The following TSPAN1 variants were observed in gnomAD, a reference collection of about 807,000 sequenced individuals.
TSPAN1 encodes tetraspanin-1.
TSPAN1 carries 23 observed loss-of-function variants against 26.9 expected under a neutral mutation model. The ratio of observed to expected loss-of-function variants is 0.85; its 90% CI spans 0.62 to 1.21. The LOEUF is 1.21. Ranked by LOEUF, TSPAN1 falls within the 50% of genes most tolerant of loss-of-function variation. The pLI, the probability that TSPAN1 is intolerant of heterozygous loss-of-function variation, is 0.00. For missense variants in TSPAN1, 283 were observed against 298.4 expected (o/e 0.95, Z 0.38); for synonymous variants, 115 against 114.8 (o/e 1.00, Z -0.01).
downstream of TSPAN1, among the ~76,000 whole-genome samples, chr1:46,187,820 G>A (rs1023340249): frequency 1.3e-5 from 2 of 152,140 alleles, no homozygotes; most frequent in African/African-American, 4.8e-5. Context: ...ATGTCCAAGC[G>A]ACATACCACC....
downstream of TSPAN1, chr1:46,188,701 T>C (rs777534286): frequency 1.3e-6 from 2 of 1,597,554 alleles, no homozygotes; most frequent in Admixed American, 3.4e-5. Flanking sequence ...GCTTCTCCTT[T>C]TTTAATCAAT....
At chr1:46,181,491 C>T (rs531908550) in intron 3 of TSPAN1, among the ~76,000 whole-genome samples, 2 of 152,288 alleles carry the variant, frequency 1.3e-5, no homozygotes, top group South Asian at 4.1e-4. Flanking sequence ...ACTGGGGGCC[C>T]AGAAAATAGA....
At chr1:46,195,305 C>T in the TSPAN1 span, among the ~76,000 whole-genome samples, 1 of 152,178 alleles carries the variant, frequency 6.6e-6, no homozygotes, top group Non-Finnish European at 1.5e-5. Flanking sequence ...TACCTTCCCA[C>T]TATAGGGGCT....
downstream of TSPAN1, chr1:46,189,148 CAT>C (rs1657540011): frequency 1.2e-5 from 18 of 1,499,448 alleles, no homozygotes; most frequent in Non-Finnish European, 1.6e-5. Flanking sequence ...AATTAAGTCT[CAT>C]GTTAAAAACA....
chr1:46,194,883 C>A, the TSPAN1 span: 1 of 1,614,068 alleles, frequency 6.2e-7, no homozygotes, highest in Non-Finnish European at 8.5e-7. Flanking sequence ...TCCCTCCAGC[C>A]CAGGGCAGGG....
At chr1:46,176,422 G>T in intron 1 of TSPAN1, 2 of 1,535,744 alleles carry the variant, frequency 1.3e-6, no homozygotes, top group Non-Finnish European at 1.7e-6. Flanking sequence ...GCGGTAGGGG[G>T]AACGCATGCC....
intron 3 of TSPAN1, among the ~76,000 whole-genome samples, chr1:46,182,042 G>A (rs1399810514): frequency 1.3e-5 from 2 of 151,996 alleles, no homozygotes; most frequent in Non-Finnish European, 2.9e-5. Flanking sequence ...CTGAGGGGTA[G>A]AAGAAGGGGC....
At chr1:46,176,583 G>T in intron 1 of TSPAN1, 1 of 1,334,436 alleles carries the variant, frequency 7.5e-7, no homozygotes, top group African/African-American at 1.5e-5. Context: ...TACAAGTCGT[G>T]GGCCCTGGCC....
rs527593389 is a variant in TSPAN1, at chr1:46,180,771, G to A, written c.-9+113G>A. ...CTGGGAGGGTCTGGGGTTAGTGTGG[G>A]GGGGAGCACAGGATATACAGGTGCT... is the stretch of plus-strand genomic sequence containing the variant. On this transcript the variant is annotated intron_variant, in intron 2 of 8. Transcript: ENST00000372003. 6.8e-5 allele frequency: 24 copies of A among 351,682 alleles called. No homozygotes were observed. The East Asian group carries it at 1.4e-3, about 21-fold the overall frequency. 21.8% of individuals were successfully genotyped at this position (351,682 alleles called of 1,614,324 possible).
chr1:46,190,600 A>G (rs1657688473), downstream of TSPAN1: 4 of 1,533,862 alleles, frequency 2.6e-6, no homozygotes, highest in African/African-American at 1.4e-5. Context: ...AAGGGGTCAC[A>G]TGGGAATCTG....
the TSPAN1 span, chr1:46,194,931 CTG>C: frequency 3.1e-6 from 5 of 1,614,166 alleles, no homozygotes; most frequent in Admixed American, 8.3e-5. Flanking sequence ...AGAGCCTTGG[CTG>C]TGTCCTTGAG....
At chr1:46,187,228 T>C (rs1424455469), downstream of TSPAN1, among the ~76,000 whole-genome samples, 1 of 152,166 alleles carries the variant, frequency 6.6e-6, no homozygotes, top group Non-Finnish European at 1.5e-5. Context: ...CAGCCTAGAT[T>C]TGGGCCCAGA....
chr1:46,178,458 T>A (rs1293315043), intron 1 of TSPAN1, among the ~76,000 whole-genome samples: 1 of 148,424 alleles, frequency 6.7e-6, no homozygotes, highest in Non-Finnish European at 1.5e-5. Flanking sequence ...AACTTCATCC[T>A]CCTTTCTGTT....
chr1:46,184,374 G>C lies in TSPAN1; in HGVS notation c.241G>C (p.Glu81Gln). Reference protein sequence around the residue: ...GFLGCYGAKTESKCALVTFFF... With the variant: ...GFLGCYGAKTQSKCALVTFFF... ...CCTGGGCTGCTATGGTGCTAAGACT[G>C]AGAGCAAGTGTGCCCTCGTGACGGT... The change falls in exon 4 of 9, where the codon GAG becomes CAG. Residue 81 changes from glutamate (E) to glutamine (Q), a missense_variant. Coordinates refer to ENST00000372003, the MANE Select transcript of TSPAN1 (RefSeq NM_005727.4). 17 of 1,614,104 alleles carry C rather than the reference G, an allele frequency of 1.1e-5. No individual in the cohort carries two copies. Among genetic ancestry groups the C allele is most frequent in the Non-Finnish European group, 1.4e-5 (17 of 1,179,994 alleles).
the TSPAN1 span, chr1:46,195,837 C>T: frequency 2.1e-5 from 33 of 1,604,826 alleles, no homozygotes; most frequent in Non-Finnish European, 2.7e-5. Flanking sequence ...AGCACTCGGC[C>T]GGGCGCTACC....
intron 3 of TSPAN1, among the ~76,000 whole-genome samples, chr1:46,182,312 A>AAAAAAAAAAAAAAAAAAAAAAAG (rs1657331698): frequency 6.9e-6 from 1 of 144,578 alleles, no homozygotes; most frequent in Non-Finnish European, 1.5e-5. Context: ...AGCAAAAAAA[A>AAAAAAAAAAAAAAAAAAAAAAAG]AAAAAGCCAC....
Position 46,184,258 on chromosome 1 carries a change from T to C in TSPAN1, c.125T>C (p.Ile42Thr). 1 of 1,614,162 alleles carries C rather than the reference T, an allele frequency of 6.2e-7. No individual in the cohort carries two copies. Among genetic ancestry groups the C allele is most frequent in the East Asian group, 2.2e-5 (1 of 44,874 alleles). Reference sequence around the variant, plus strand: ...ATCGATGGGGCATCCTTTCTGAAGATCTTCGGGCCACTGTCGTCCAGTGCC... The same window carrying C: ...ATCGATGGGGCATCCTTTCTGAAGACCTTCGGGCCACTGTCGTCCAGTGCC... Reference protein sequence around the residue: ...VSIDGASFLKIFGPLSSSAMQ... With the variant: ...VSIDGASFLKTFGPLSSSAMQ... Residue 42 changes from isoleucine to threonine, a missense_variant, in exon 4 of 9, where the codon ATC (isoleucine) becomes ACC (threonine). Coordinates refer to ENST00000372003, the MANE Select transcript of TSPAN1 (RefSeq NM_005727.4).
At chr1:46,184,925 G>A in intron 6 of TSPAN1, 35 bp from the exon 7 acceptor site, 1 of 1,614,084 alleles carries the variant, frequency 6.2e-7, no homozygotes, top group Non-Finnish European at 8.5e-7. Flanking sequence ...AGAGAAAGAA[G>A]CAAGGCCCCA....
chr1:46,176,547 G>T, intron 1 of TSPAN1: 2 of 1,491,278 alleles, frequency 1.3e-6, no homozygotes, highest in Non-Finnish European at 1.8e-6. Context: ...GACATACAAA[G>T]TCTGCATAAG....
Sources: gnomAD v4.1 joint callset for allele counts (sites outside exome capture counted in the v4.1 genomes callset) on GRCh38, gnomAD v4.1.1 for gene constraint, MANE v1.5 for transcripts, NCBI Gene and HGNC (gene_info 2026-07-23, HGNC 2026-07-21) for gene names.